Variants in GPC5 observed in about 807,000 individuals in gnomAD.
GPC5 encodes the protein glypican 5.
Under a neutral mutation model 53.9 loss-of-function variants are expected in GPC5, and 47 were observed. The ratio of observed to expected loss-of-function variants is 0.87; its 90% CI spans 0.69 to 1.11. The LOEUF is 1.11. Among genes scored for constraint, GPC5 ranks in the 50% most tolerant of loss-of-function variants. GPC5 has a pLI of 0.00. For missense variants in GPC5, 748 were observed against 713.1 expected, an observed-to-expected ratio of 1.05 and a Z score of -0.56; for synonymous variants, 286 against 263.3, an observed-to-expected ratio of 1.09 and a Z score of -0.84.
chr13:92,832,614 C>A (rs542482826), intron 7 of GPC5, among the ~76,000 whole-genome samples: 1 of 152,112 alleles, frequency 6.6e-6, no homozygotes, highest in Non-Finnish European at 1.5e-5. Context: ...CATTTTAGAA[C>A]CTGCTCATTC....
chr13:91,489,009 T>C (rs1883780407), intron 2 of GPC5, among the ~76,000 whole-genome samples: 1 of 152,228 alleles, frequency 6.6e-6, no homozygotes, highest in Non-Finnish European at 1.5e-5. Flanking sequence ...CTCCCAGGCT[T>C]ATTAGGCCGA....
intron 7 of GPC5, among the ~76,000 whole-genome samples, chr13:92,811,006 C>G (rs935827395): frequency 1.3e-5 from 2 of 151,992 alleles, no homozygotes; most frequent in African/African-American, 4.8e-5. Flanking sequence ...AGGAGTGAGC[C>G]ACCGTGCCCA....
intron 6 of GPC5, among the ~76,000 whole-genome samples, chr13:91,909,344 C>A (rs1217147375): frequency 6.6e-6 from 1 of 152,044 alleles, no homozygotes; most frequent in Non-Finnish European, 1.5e-5. Flanking sequence ...ATAATAAAAC[C>A]AAAAGAGCTT....
chr13:92,305,865 G>T (rs1409192728), intron 7 of GPC5, among the ~76,000 whole-genome samples: 2 of 152,164 alleles, frequency 1.3e-5, no homozygotes, highest in African/African-American at 4.8e-5. Flanking sequence ...GGAGTAATGA[G>T]ATTCAGCGAA....
intron 2 of GPC5, among the ~76,000 whole-genome samples, chr13:91,507,350 A>G (rs1884998285): frequency 6.6e-6 from 1 of 152,180 alleles, no homozygotes; most frequent in African/African-American, 2.4e-5. Flanking sequence ...CATACCCGAG[A>G]CTGGGTAACT....
chr13:92,663,800 T>C (rs1279713900), intron 7 of GPC5, among the ~76,000 whole-genome samples: 2 of 135,500 alleles, frequency 1.5e-5, no homozygotes, highest in Non-Finnish European at 3.1e-5. Flanking sequence ...ATACACACAC[T>C]ATATATATAC....
chr13:92,034,462 C>T (rs2040877607), intron 6 of GPC5, among the ~76,000 whole-genome samples: 1 of 152,104 alleles, frequency 6.6e-6, no homozygotes, highest in Admixed American at 6.5e-5. Flanking sequence ...AGTGCCACTG[C>T]ACTCCAGCCT....
At chr13:92,386,308 T>C (rs942617234) in intron 7 of GPC5, among the ~76,000 whole-genome samples, 1 of 152,028 alleles carries the variant, frequency 6.6e-6, no homozygotes, top group African/African-American at 2.4e-5. Flanking sequence ...TAGCTCTACA[T>C]AGAGAAACAA....
In GPC5 at chr13:92,099,133, C is replaced by T. The variant is rs561612417; in HGVS notation, c.1402-45697C>T. The stretch of plus-strand genomic sequence containing the variant: ...AAGACAAGTTTTTTTCCCCTCCACA[C>T]CAACTATCACATTTTTAGGTAAGTT... On this transcript the variant is annotated intron_variant, in intron 6 of 7. Coordinates refer to ENST00000377067, the MANE Select transcript of GPC5 (RefSeq NM_004466.6). Among the ~76,000 whole-genome samples the T allele has an allele frequency of 2.0e-5, 3 of 152,228 alleles. No individual in the cohort carries two copies. In the South Asian group the frequency reaches 6.2e-4, roughly 32 times the overall value.
chr13:91,790,440 A>G (rs1014405036), intron 5 of GPC5, among the ~76,000 whole-genome samples: 1 of 152,210 alleles, frequency 6.6e-6, no homozygotes, highest in Non-Finnish European at 1.5e-5. Flanking sequence ...ATATTTATTC[A>G]TGCAGCCATG....
intron 6 of GPC5, among the ~76,000 whole-genome samples, chr13:91,976,342 G>A (rs2040301695): frequency 6.6e-6 from 1 of 152,132 alleles, no homozygotes; most frequent in Admixed American, 6.6e-5. Flanking sequence ...TGTTACTGAA[G>A]TGCCAGAGAT....
chr13:91,615,792 G>A (rs1245062344), intron 2 of GPC5, among the ~76,000 whole-genome samples: 7 of 152,062 alleles, frequency 4.6e-5, no homozygotes, highest in Non-Finnish European at 1.0e-4. Flanking sequence ...AAATCAATAA[G>A]TTTTGAGAAA....
intron 7 of GPC5, among the ~76,000 whole-genome samples, chr13:92,245,920 CTT>C (rs1299906851): frequency 6.6e-6 from 1 of 151,838 alleles, no homozygotes; most frequent in Non-Finnish European, 1.5e-5. Context: ...TGGGCATTCT[CTT>C]TTGAATATTC....
intron 7 of GPC5, among the ~76,000 whole-genome samples, chr13:92,428,701 G>A (rs1876951000): frequency 6.6e-6 from 1 of 152,054 alleles, no homozygotes; most frequent in East Asian, 1.9e-4. Context: ...TTTTCCACAG[G>A]AAAATTCATG....
chr13:91,957,087 A>C (rs2040080118), intron 6 of GPC5, among the ~76,000 whole-genome samples: 4 of 152,156 alleles, frequency 2.6e-5, no homozygotes, highest in Admixed American at 2.6e-4. Context: ...CCAGAAAAAC[A>C]ATTGAGGATA....
chr13:91,790,307 T>C (rs2037944547), intron 5 of GPC5, among the ~76,000 whole-genome samples: 1 of 152,252 alleles, frequency 6.6e-6, no homozygotes, highest in Non-Finnish European at 1.5e-5. Flanking sequence ...TTAAGGTCAT[T>C]TGCCCAAGGC....
intron 5 of GPC5, among the ~76,000 whole-genome samples, chr13:91,851,494 G>A (rs143238912): frequency 3.7e-4 from 54 of 147,284 alleles, no homozygotes; most frequent in Admixed American, 9.4e-4. Context: ...TTTAGAATAC[G>A]TTTTCTTTTT....
At chr13:92,781,529 G>A (rs917856865) in intron 7 of GPC5, among the ~76,000 whole-genome samples, 2 of 151,932 alleles carry the variant, frequency 1.3e-5, no homozygotes, top group African/African-American at 4.8e-5. Context: ...TAATATGGGG[G>A]AGCTACTGTC....
At chr13:92,037,588 T>C (rs1017885774) in intron 6 of GPC5, among the ~76,000 whole-genome samples, 7 of 152,220 alleles carry the variant, frequency 4.6e-5, no homozygotes, top group Admixed American at 6.5e-5. Flanking sequence ...CCCTGAGATA[T>C]GGGATTTAGA....
Sources: allele counts gnomAD v4.1 joint callset (sites outside exome capture counted in the v4.1 genomes callset), GRCh38; gene constraint gnomAD v4.1.1; transcripts MANE v1.5; gene names NCBI Gene and HGNC (gene_info 2026-07-23, HGNC 2026-07-21).